LYVE1: variants seen among roughly 807,000 people sequenced by gnomAD.
LYVE1 encodes lymphatic vessel endothelial hyaluronan receptor 1.
In LYVE1, 29 loss-of-function variants were observed where a neutral mutation model predicts 31.5. The ratio of observed to expected loss-of-function variants is 0.92; its 90% CI spans 0.69 to 1.26. The LOEUF is 1.26. Ranked by LOEUF, LYVE1 falls within the 50% of genes most tolerant of loss-of-function variation. The pLI, the probability that LYVE1 is intolerant of heterozygous loss-of-function variation, is 0.00. For synonymous variants in LYVE1, 134 were observed against 139.4 expected, an observed-to-expected ratio of 0.96 and a Z score of 0.27; for missense variants, 376 against 380.2, an observed-to-expected ratio of 0.99 and a Z score of 0.09.
At chr11:10,560,452 T>C in intron 4 of LYVE1, 43 bp downstream of exon 4, 1 of 1,496,162 alleles carries the variant, frequency 6.7e-7, no homozygotes, top group Non-Finnish European at 9.0e-7. Context: ...CTGTTATACA[T>C]GAACATACAT....
rs77708162 is a variant in LYVE1 at position 10,568,582 on chromosome 11, A to G, written c.-50T>C. 2,420 of 1,591,822 alleles carry G rather than the reference A, an allele frequency of 1.5e-3. 29 individuals are homozygous for G. In the African/African-American group the frequency reaches 0.029, roughly 19 times the overall value. The stretch of plus-strand genomic sequence containing the variant: ...GAAACACCTCAGATGGCCACTGGTG[A>G]TATGAGAGGCAGATGCTCAATAACT... On this transcript the variant is annotated 5_prime_UTR_variant, in exon 1 of 6. Coordinates refer to ENST00000256178, the MANE Select transcript of LYVE1 (RefSeq NM_006691.4).
chr11:10,558,816 C>G lies in LYVE1; in HGVS notation c.*295G>C. ...ACTGATGAGATGTTTTAGGTCCTTG[C>G]ACTTTGCAAAACTCCTTTCTCCCAG... is the stretch of plus-strand genomic sequence containing the variant. On this transcript the variant is annotated 3_prime_UTR_variant, in exon 6 of 6. Coordinates refer to ENST00000256178, the MANE Select transcript of LYVE1 (RefSeq NM_006691.4). 3.1e-6 allele frequency: 1 copy of G among 325,238 alleles called. No homozygotes were observed. Among genetic ancestry groups the G allele is most frequent in the Non-Finnish European group, 5.6e-6 (1 of 179,356 alleles). The allele number at this position is 325,238 out of a possible 1,614,324, so 20.1% of individuals were successfully genotyped here.
chr11:10,565,682 C>G (rs1850522332), intron 1 of LYVE1, among the ~76,000 whole-genome samples: 1 of 152,142 alleles, frequency 6.6e-6, no homozygotes, highest in Non-Finnish European at 1.5e-5. Flanking sequence ...TCTTCTTTCC[C>G]AAGAGATGGA....
In LYVE1 at chr11:10,559,098, A is replaced by C; in HGVS notation, c.*13T>G. On this transcript the variant is annotated 3_prime_UTR_variant, in exon 6 of 6. Coordinates refer to ENST00000256178, the MANE Select transcript of LYVE1 (RefSeq NM_006691.4). ...AAACCAGCCTCAGGTGTGTCTCCTC[A>C]TTTCTGTCTCATCTAAACTTCAGCT... 6.2e-7 allele frequency: 1 copy of C among 1,611,880 alleles called. No homozygotes were observed. The highest frequency in any genetic ancestry group is 8.5e-7 in the Non-Finnish European group (1 of 1,179,198).
intron 1 of LYVE1, 124 bp from the exon 2 acceptor site, chr11:10,564,498 T>G: frequency 1.2e-6 from 1 of 815,564 alleles, no homozygotes; most frequent in Non-Finnish European, 1.9e-6. Flanking sequence ...GGACTGGGGT[T>G]TAGAATAACA....
At chr11:10,561,830 G>A (rs1336524890) in intron 3 of LYVE1, among the ~76,000 whole-genome samples, 1 of 152,034 alleles carries the variant, frequency 6.6e-6, no homozygotes, top group African/African-American at 2.4e-5. Context: ...TTGGGGGGTG[G>A]GCTAGCAGAG....
At chr11:10,562,197 A>T (rs1850441026) in intron 3 of LYVE1, among the ~76,000 whole-genome samples, 1 of 152,236 alleles carries the variant, frequency 6.6e-6, no homozygotes. Context: ...TGAGGTATGC[A>T]GGCATATGTA....
At chr11:10,567,145 G>A (rs556154841) in intron 1 of LYVE1, among the ~76,000 whole-genome samples, 1 of 152,244 alleles carries the variant, frequency 6.6e-6, no homozygotes, top group East Asian at 1.9e-4. Context: ...CCTATAAACT[G>A]TCTTTTTGAG....
At chr11:10,567,235 T>C (rs1850561190) in intron 1 of LYVE1, among the ~76,000 whole-genome samples, 1 of 152,226 alleles carries the variant, frequency 6.6e-6, no homozygotes, top group South Asian at 2.1e-4. Flanking sequence ...CCCACCCCTA[T>C]TCACTTACCT....
Position 10,558,867 on chromosome 11 carries a change from G to T in LYVE1, c.*244C>A. On this transcript the variant is annotated 3_prime_UTR_variant, in exon 6 of 6. Transcript: ENST00000256178. ...TGGGATATTATTAGGACATAGCCAG[G>T]CTAGAAAGGCCGTGGGAAGCTTTGG... The T allele has an allele frequency of 2.2e-6, 1 of 456,584 alleles. No individual in the cohort carries two copies. Among genetic ancestry groups the T allele is most frequent in the Non-Finnish European group, 3.8e-6 (1 of 260,184 alleles). 28.3% of individuals were successfully genotyped at this position (456,584 alleles called of 1,614,324 possible).
At chr11:10,566,650 T>C (rs376612469) in intron 1 of LYVE1, among the ~76,000 whole-genome samples, 32 of 152,332 alleles carry the variant, frequency 2.1e-4, no homozygotes, top group African/African-American at 7.0e-4. Flanking sequence ...CCTCTCATCA[T>C]ATGTCATTTG....
At chr11:10,564,405 G>A (rs942104929) in intron 1 of LYVE1, 31 bp from the exon 2 acceptor site, 4 of 1,599,234 alleles carry the variant, frequency 2.5e-6, no homozygotes, top group Non-Finnish European at 3.4e-6. Flanking sequence ...TCCTCAGTTT[G>A]CTGCTGTCCT....
At chr11:10,560,123 TCTC>T (rs1850390820) in intron 4 of LYVE1, among the ~76,000 whole-genome samples, 1 of 152,168 alleles carries the variant, frequency 6.6e-6, no homozygotes, top group Non-Finnish European at 1.5e-5. Flanking sequence ...AGAGTTCATT[TCTC>T]CTCCATGGCC....
chr11:10,566,653 GT>G (rs1488262708), intron 1 of LYVE1, among the ~76,000 whole-genome samples: 1 of 152,084 alleles, frequency 6.6e-6, no homozygotes, highest in East Asian at 1.9e-4. Context: ...CTCATCATAT[GT>G]CATTTGTACT....
chr11:10,559,659 A>G (rs978174554), intron 5 of LYVE1, among the ~76,000 whole-genome samples, 157 bp downstream of exon 5: 7 of 152,196 alleles, frequency 4.6e-5, no homozygotes, highest in Non-Finnish European at 1.0e-4. Flanking sequence ...AATAGAAAAG[A>G]TTGGGCTGAA....
chr11:10,565,077 C>T (rs186415449), intron 1 of LYVE1, among the ~76,000 whole-genome samples: 3 of 152,230 alleles, frequency 2.0e-5, no homozygotes, highest in Admixed American at 6.5e-5. Flanking sequence ...TTTGAGCCTC[C>T]TTGTTTATAA....
At chr11:10,565,136 G>T (rs1350335354) in intron 1 of LYVE1, among the ~76,000 whole-genome samples, 1 of 152,200 alleles carries the variant, frequency 6.6e-6, no homozygotes, top group African/African-American at 2.4e-5. Context: ...AAAGTTAAGT[G>T]AGTAAATTCT....
At chr11:10,563,622 T>C (rs17403942) in intron 3 of LYVE1, among the ~76,000 whole-genome samples, 15,150 of 152,240 alleles carry the variant, frequency 0.1, 929 homozygotes, top group Admixed American at 0.15. Flanking sequence ...TTGTCCATAA[T>C]GGATGCATTA....
rs911582545 is a variant in LYVE1 at position 10,557,040 on chromosome 11, G to A, written c.*2071C>T. On this transcript the variant is annotated 3_prime_UTR_variant, in exon 6 of 6. Coordinates refer to ENST00000256178, the MANE Select transcript of LYVE1 (RefSeq NM_006691.4). ...TTTCTTCTTTACTCCCTGAGAAATGGATGAAGCTGATAAAGCTTAAGGACT... is the reference window on the plus strand; with the variant it reads ...TTTCTTCTTTACTCCCTGAGAAATGAATGAAGCTGATAAAGCTTAAGGACT... 1 of 151,968 alleles carries A rather than the reference G, an allele frequency of 6.6e-6. No individual in the cohort carries two copies. Among genetic ancestry groups the A allele is most frequent in the African/African-American group, 2.4e-5 (1 of 41,358 alleles). The allele number at this position is 151,968 out of a possible 1,614,324, so 9.4% of individuals were successfully genotyped here.
Sources: gnomAD v4.1 joint callset for allele counts (sites outside exome capture counted in the v4.1 genomes callset) on GRCh38, gnomAD v4.1.1 for gene constraint, MANE v1.5 for transcripts, NCBI Gene and HGNC (gene_info 2026-07-23, HGNC 2026-07-21) for gene names.